FAM153A: variants seen among roughly 807,000 people sequenced by gnomAD.
FAM153A encodes family with sequence similarity 153 member A.
FAM153A carries 12 observed loss-of-function variants against 48.1 expected under a neutral mutation model. That is an observed-to-expected ratio of 0.25 (90% CI 0.16 to 0.40). The LOEUF is 0.40. FAM153A is among the 10% of genes least tolerant of loss of function. The probability of loss-of-function intolerance (pLI) is 1.00; values close to 1 mark genes in which losing one functional copy is unlikely to be tolerated. For synonymous variants in FAM153A, 36 were observed against 118.2 expected, an observed-to-expected ratio of 0.30 and a Z score of 4.51; for missense variants, 111 against 345.8, an observed-to-expected ratio of 0.32 and a Z score of 5.38.
downstream of FAM153A, among the ~76,000 whole-genome samples, chr5:177,705,316 G>C (rs1295638784): frequency 1.3e-5 from 2 of 150,448 alleles, no homozygotes; most frequent in Non-Finnish European, 2.9e-5. Flanking sequence ...ACAAACAAAA[G>C]TATATGGCAC....
upstream of FAM153A, among the ~76,000 whole-genome samples, chr5:177,755,341 G>C (rs1246608091): frequency 3.3e-5 from 5 of 151,878 alleles, no homozygotes; most frequent in South Asian, 2.1e-4. Context: ...TATGTGAAAA[G>C]ACCAAATCTA....
the FAM153A span, among the ~76,000 whole-genome samples, chr5:177,695,927 G>A: frequency 0.02 from 1,847 of 92,310 alleles, 121 homozygotes; most frequent in African/African-American, 0.06. Context: ...GGCCGGGCAG[G>A]GGCACTCCCC....
downstream of FAM153A, among the ~76,000 whole-genome samples, chr5:177,718,961 A>C (rs1250124134): frequency 1.3e-5 from 2 of 151,366 alleles, no homozygotes; most frequent in Non-Finnish European, 2.9e-5. Flanking sequence ...GCTCACTGCA[A>C]TCTTCACCTC....
At chr5:177,755,979 A>G (rs534447638), upstream of FAM153A, among the ~76,000 whole-genome samples, 1 of 150,856 alleles carries the variant, frequency 6.6e-6, no homozygotes, top group African/African-American at 2.5e-5. Context: ...AAATTCACAC[A>G]TAACAATATT....
At chr5:177,705,662 T>TTC (rs1554132619), downstream of FAM153A, among the ~76,000 whole-genome samples, 4 of 127,464 alleles carry the variant, frequency 3.1e-5, no homozygotes, top group African/African-American at 1.3e-4. Context: ...CTTTTTCTTT[T>TTC]TTTTTTTTTT....
At chr5:177,709,227 G>A (rs1379066553), downstream of FAM153A, among the ~76,000 whole-genome samples, 6 of 137,618 alleles carry the variant, frequency 4.4e-5, no homozygotes, top group East Asian at 6.6e-4. Context: ...GCTTCACTGC[G>A]TAAAAAACAC....
exon 27 of FAM153A, chr5:177,712,216 A>C (rs1758594470): frequency 6.6e-6 from 1 of 151,906 alleles, no homozygotes; most frequent in Non-Finnish European, 1.5e-5. Context: ...TCGTACCTTT[A>C]ATCCCAGAAC....
chr5:177,695,617 T>C, the FAM153A span, among the ~76,000 whole-genome samples: 1 of 152,244 alleles, frequency 6.6e-6, no homozygotes, highest in African/African-American at 2.4e-5. Context: ...AGAAGAATTT[T>C]TCTTAGTACA....
intron 18 of FAM153A, among the ~76,000 whole-genome samples, chr5:177,728,436 T>C (rs1210003911): frequency 6.7e-6 from 1 of 149,106 alleles, no homozygotes; most frequent in African/African-American, 2.5e-5. Context: ...TCATTCCATA[T>C]AGACTCTCTC....
chr5:177,698,937 G>A, the FAM153A span, among the ~76,000 whole-genome samples: 2 of 151,914 alleles, frequency 1.3e-5, no homozygotes, highest in Middle Eastern at 3.4e-3. Flanking sequence ...GATTACAGGT[G>A]TGAGCCACTG....
At chr5:177,722,122 T>A (rs1297842042), downstream of FAM153A, 1 of 144,308 alleles carries the variant, frequency 6.9e-6, no homozygotes, top group African/African-American at 2.6e-5. Context: ...AGTCAGAATT[T>A]TTTTGTTCTT....
chr5:177,722,128 TTC>T (rs1202809833), downstream of FAM153A: 13 of 142,130 alleles, frequency 9.1e-5, no homozygotes, highest in African/African-American at 3.0e-4. Context: ...AATTTTTTTG[TTC>T]TTTTTTTTTT....
At chr5:177,759,867 T>C (rs1412568940) in intron 1 of FAM153A, among the ~76,000 whole-genome samples, 1 of 151,742 alleles carries the variant, frequency 6.6e-6, no homozygotes, top group African/African-American at 2.4e-5. Context: ...GACAAGTTAA[T>C]GGGTGCAGCA....
downstream of FAM153A, chr5:177,706,596 A>C (rs1757912318): frequency 6.6e-6 from 1 of 151,996 alleles, no homozygotes; most frequent in African/African-American, 2.4e-5. Flanking sequence ...ATGGCACATG[A>C]AATTTCATAG....
chr5:177,769,439 G>T lies in FAM153A; in HGVS notation c.-57+11010C>A, dbSNP rs796212082. Among the ~76,000 whole-genome samples, 6 of 95,766 alleles carry T rather than the reference G, an allele frequency of 6.3e-5. 2 individuals are homozygous for T. Among genetic ancestry groups the T allele is most frequent in the South Asian group, 7.6e-4 (2 of 2,616 alleles). The allele number at this position is 95,766 out of a possible 152,430, so 62.8% of individuals were successfully genotyped here. A position where few individuals can be genotyped will look rare whatever the true frequency, so the allele number is the denominator to read the frequency against. On this transcript the variant is annotated intron_variant, in intron 1 of 8. Transcript: ENST00000393518. ...TTTGTGGTCTCAGGCATTCACTGGG[G>T]GTGTCTTAGAACGTTATCTCCCATA...
intron 6 of FAM153A, among the ~76,000 whole-genome samples, chr5:177,743,586 C>T (rs1174526425): frequency 7.0e-5 from 8 of 114,610 alleles, no homozygotes; most frequent in African/African-American, 2.7e-4. Context: ...GCAGGCTCCT[C>T]TCTTCTCAGT....
At chr5:177,781,904 T>C (rs1769713790), upstream of FAM153A, among the ~76,000 whole-genome samples, 1 of 83,244 alleles carries the variant, frequency 1.2e-5, no homozygotes, top group African/African-American at 4.5e-5. Flanking sequence ...TTTTTTTTTG[T>C]ATTTTTAGTA....
intron 4 of FAM153A, chr5:177,747,529 C>T: frequency 1.9e-6 from 1 of 535,732 alleles, no homozygotes; most frequent in South Asian, 2.1e-5. Flanking sequence ...CTCCATACCT[C>T]CCAACTCTGA....
exon 27 of FAM153A, chr5:177,712,616 A>G (rs1349892418): frequency 1.3e-5 from 2 of 151,726 alleles, no homozygotes. Flanking sequence ...TGATTGAGAA[A>G]TGTACATCAC....
Sources: allele counts gnomAD v4.1 joint callset (sites outside exome capture counted in the v4.1 genomes callset), GRCh38; gene constraint gnomAD v4.1.1; transcripts MANE v1.5; gene names NCBI Gene and HGNC (gene_info 2026-07-23, HGNC 2026-07-21).